Variants in BDP1 observed in about 807,000 individuals in gnomAD.
BDP1 encodes the protein transcription factor TFIIIB component B'' homolog.
A neutral mutation model predicts 266.6 loss-of-function variants in BDP1; 169 were observed. The ratio of observed to expected loss-of-function variants is 0.63; its 90% CI spans 0.56 to 0.72. The LOEUF (loss-of-function observed/expected upper bound fraction) is 0.72. Among genes scored for constraint, BDP1 ranks in the 30% least tolerant of loss-of-function variants. The probability of loss-of-function intolerance (pLI) is 0.00; values close to 1 mark genes in which losing one functional copy is unlikely to be tolerated. For synonymous variants in BDP1, 1,090 were observed against 1,022.4 expected (o/e 1.07, Z -1.26); for missense variants, 3,015 against 3,053.8 (o/e 0.99, Z 0.30).
Position 71,565,068 on chromosome 5 carries a change from C to T in BDP1, c.*183C>T. On this transcript the variant is annotated 3_prime_UTR_variant, in exon 39 of 39. Coordinates refer to ENST00000358731, the MANE Select transcript of BDP1 (RefSeq NM_018429.3). Reference sequence around the variant, plus strand: ...TGGAAAACATTTCTGAGGTTCCTTTCATTCTGACTGATTCAGCATTTTGCA... The same window carrying T: ...TGGAAAACATTTCTGAGGTTCCTTTTATTCTGACTGATTCAGCATTTTGCA... 1.7e-6 allele frequency: 1 copy of T among 575,002 alleles called. No individual in the cohort carries two copies. The highest frequency in any genetic ancestry group is 3.0e-6 in the Non-Finnish European group (1 of 338,830). 35.6% of individuals were successfully genotyped at this position (575,002 alleles called of 1,614,324 possible).
At position 71,524,012 on chromosome 5, in the gene BDP1, T is replaced by C. The variant is rs1398365421; in HGVS notation, c.5461T>C (p.Ser1821Pro). ...LDGKTTISST[S>P]EYERNRGERR... ...TGGGAAAACAACTATCTCTTCTACA[T>C]CTGAGTATGAGAGAAATCGTGGTGA... Residue 1821 changes from serine (S) to proline (P), a missense_variant, in exon 25 of 39, where the codon TCT (serine) becomes CCT (proline). Coordinates refer to ENST00000358731, the MANE Select transcript of BDP1 (RefSeq NM_018429.3). The C allele has an allele frequency of 2.5e-6, 4 of 1,614,144 alleles. No homozygotes were observed. Among genetic ancestry groups the C allele is most frequent in the Non-Finnish European group, 3.4e-6 (4 of 1,180,008 alleles).
At chr5:71,513,128 T>A in intron 18 of BDP1, 57 bp from the exon 19 acceptor site, 3 of 1,114,924 alleles carry the variant, frequency 2.7e-6, no homozygotes, top group African/African-American at 1.6e-5. Context: ...GTACTGAGAC[T>A]CCGTTTCCAC....
chr5:71,458,926 G>A, intron 2 of BDP1, 71 bp downstream of exon 2: 4 of 1,435,336 alleles, frequency 2.8e-6, no homozygotes, highest in Non-Finnish European at 3.8e-6. Context: ...GGGAAGAAAA[G>A]CATTTGTAGC....
chr5:71,562,474 G>A lies in BDP1; in HGVS notation c.7697G>A (p.Ser2566Asn). 6.2e-7 allele frequency: 1 copy of A among 1,613,900 alleles called. No homozygotes were observed. The highest frequency in any genetic ancestry group is 8.5e-7 in the Non-Finnish European group (1 of 1,179,884). Residue 2566 changes from serine to asparagine, a missense_variant, in exon 38 of 39, where the codon AGT (serine) becomes AAT (asparagine). Transcript: ENST00000358731. ...TCCTCTGATCTGCTTCCATCTCCAA[G>A]TGTTATTACTACTCAATCTGAGAAT... ...RESSDLLPSPSVITTQSENIS... is the reference protein window; with the variant it reads ...RESSDLLPSPNVITTQSENIS...
intron 8 of BDP1, among the ~76,000 whole-genome samples, chr5:71,484,565 A>G (rs2150397840): frequency 1.3e-5 from 2 of 152,270 alleles, no homozygotes; most frequent in Middle Eastern, 6.8e-3. Flanking sequence ...ATCTGAAGGA[A>G]TGATAGATAT....
chr5:71,519,046 CTGACCTCAGG>C (rs1765365237), intron 22 of BDP1, among the ~76,000 whole-genome samples: 1 of 151,908 alleles, frequency 6.6e-6, no homozygotes, highest in South Asian at 2.1e-4. Flanking sequence ...TCTCGAACTC[CTGACCTCAGG>C]TGATCCACCC....
intron 37 of BDP1, among the ~76,000 whole-genome samples, chr5:71,561,837 A>G (rs571399529): frequency 3.9e-5 from 6 of 152,178 alleles, no homozygotes; most frequent in Non-Finnish European, 8.8e-5. Context: ...AGTGATTTGA[A>G]TGCTAGAGAT....
intron 22 of BDP1, among the ~76,000 whole-genome samples, chr5:71,521,546 C>T (rs1415794199): frequency 2.0e-5 from 3 of 152,072 alleles, no homozygotes; most frequent in South Asian, 2.1e-4. Flanking sequence ...CCCACCTCGG[C>T]GTCCCAAAGT....
In BDP1 at chr5:71,522,853, A is replaced by T. The variant is rs1561746506; in HGVS notation, c.5291A>T (p.Glu1764Val). 1 of 1,614,002 alleles carries T rather than the reference A, an allele frequency of 6.2e-7. No homozygotes were observed. Among genetic ancestry groups the T allele is most frequent in the East Asian group, 2.2e-5 (1 of 44,848 alleles). Reference sequence around the variant, plus strand: ...TTGGCAAAAATAGATGCGGAATTAGAAGAAGTTGGACCATCAAGAAGGGTT... The same window carrying T: ...TTGGCAAAAATAGATGCGGAATTAGTAGAAGTTGGACCATCAAGAAGGGTT... ...SALAKIDAEL[E>V]EVGPSRRVGE... is the part of the protein sequence containing the mutation. The change falls in exon 24 of 39, where the codon GAA becomes GTA. Residue 1764 changes from glutamate (E) to valine (V), a missense_variant. By Grantham distance (121) the Glu-to-Val change is moderately radical. This residue lies in a region of BDP1 where 2,383 missense variants were observed against 2,404.9 expected (regional missense o/e 0.99). Transcript: ENST00000358731.
chr5:71,466,538 GAC>G (rs768500179), intron 5 of BDP1, among the ~76,000 whole-genome samples: 2 of 152,120 alleles, frequency 1.3e-5, no homozygotes, highest in South Asian at 2.1e-4. Context: ...TTCTAAGATT[GAC>G]ACAGTCTTGA....
chr5:71,542,977 T>C (rs1156827770), intron 30 of BDP1, among the ~76,000 whole-genome samples: 1 of 151,992 alleles, frequency 6.6e-6, no homozygotes, highest in African/African-American at 2.4e-5. Context: ...CATAGAGAAA[T>C]GAAAATGTTA....
chr5:71,504,039 G>A (rs1420099431), intron 15 of BDP1, among the ~76,000 whole-genome samples: 1 of 151,694 alleles, frequency 6.6e-6, no homozygotes. Flanking sequence ...CTGGGAGGCC[G>A]AGGTGGGCGG....
At chr5:71,558,383 C>T (rs761544234) in intron 36 of BDP1, among the ~76,000 whole-genome samples, 5 of 150,566 alleles carry the variant, frequency 3.3e-5, no homozygotes, top group Non-Finnish European at 7.4e-5. Flanking sequence ...ATTAGCCAGG[C>T]GTGGTGGTGG....
chr5:71,493,718 G>A (rs1763728006), intron 11 of BDP1, among the ~76,000 whole-genome samples: 1 of 152,206 alleles, frequency 6.6e-6, no homozygotes, highest in South Asian at 2.1e-4. Flanking sequence ...TCGAGCTAGA[G>A]TAACTAAAGC....
In BDP1 at chr5:71,515,056, C is replaced by G. The variant is rs1390960407; in HGVS notation, c.4583C>G (p.Ser1528Cys). 4 of 1,612,860 alleles carry G rather than the reference C, an allele frequency of 2.5e-6. No homozygotes were observed. The African/African-American group carries it at 4.0e-5, about 16-fold the overall frequency. The change falls in exon 20 of 39, where the codon TCT becomes TGT. Residue 1528 changes from serine to cysteine, a missense_variant. Coordinates refer to ENST00000358731, the MANE Select transcript of BDP1 (RefSeq NM_018429.3). ...GAAAGGAACCTTTCACCTTCAAATT[C>G]TTGTGAACCTAAAGAGGAGTCTCAG... ...QTERNLSPSN[S>C]CEPKEESQSA...
rs757976501 is a variant in BDP1, at chr5:71,562,344, A to G, written c.7567A>G (p.Met2523Val). ...GAATAGTTTGGAGTCTGATGAACCTATGCAAGTCCATAGTAAGAAACGCCT... is the reference window on the plus strand; with the variant it reads ...GAATAGTTTGGAGTCTGATGAACCTGTGCAAGTCCATAGTAAGAAACGCCT... ...SKNSLESDEP[M>V]QVHSKKRLKP... The change falls in exon 38 of 39, where the codon ATG becomes GTG. Residue 2523 changes from methionine (M) to valine (V), a missense_variant. Met to Val is a conservative substitution (Grantham distance 21, BLOSUM62 1). This residue lies in a region of BDP1 where 629 missense variants were observed against 632.5 expected (regional missense o/e 0.99). Coordinates refer to ENST00000358731, the MANE Select transcript of BDP1 (RefSeq NM_018429.3). 3 of 1,613,340 alleles carry G rather than the reference A, an allele frequency of 1.9e-6. No homozygotes were observed. Among genetic ancestry groups the G allele is most frequent in the Admixed American group, 1.7e-5 (1 of 59,970 alleles).
At chr5:71,488,066 T>G (rs553407985) in intron 9 of BDP1, among the ~76,000 whole-genome samples, 27 of 152,344 alleles carry the variant, frequency 1.8e-4, no homozygotes, top group African/African-American at 5.8e-4. Flanking sequence ...TCGTAGAAGA[T>G]TATGTATCTT....
At chr5:71,468,110 C>T (rs941265817) in intron 6 of BDP1, among the ~76,000 whole-genome samples, 5 of 152,050 alleles carry the variant, frequency 3.3e-5, no homozygotes. Flanking sequence ...CCTCTGCCTC[C>T]TGGGTTCAAG....
At chr5:71,530,196 T>G (rs1766147186) in intron 25 of BDP1, among the ~76,000 whole-genome samples, 1 of 152,152 alleles carries the variant, frequency 6.6e-6, no homozygotes, top group Admixed American at 6.5e-5. Flanking sequence ...CATCTGAACT[T>G]TAAAATTTTT....
Sources: allele counts gnomAD v4.1 joint callset (sites outside exome capture counted in the v4.1 genomes callset), GRCh38; gene constraint gnomAD v4.1.1; regional missense constraint gnomAD v4.1.1; transcripts MANE v1.5; gene names NCBI Gene and HGNC (gene_info 2026-07-23, HGNC 2026-07-21).